Variants in PCNX1 observed in about 807,000 individuals in gnomAD.
The protein encoded by PCNX1 is pecanex-like protein 1.
PCNX1 carries 78 observed loss-of-function variants against 242.2 expected under a neutral mutation model. That is an observed-to-expected ratio of 0.32 (90% CI 0.27 to 0.39). The LOEUF is 0.39. Ranked by LOEUF, PCNX1 falls within the 10% of genes least tolerant of loss-of-function variation. The pLI is 1.00. For synonymous variants in PCNX1, 1,024 were observed against 1,032.9 expected, an observed-to-expected ratio of 0.99 and a Z score of 0.17; for missense variants, 2,581 against 2,856.5, an observed-to-expected ratio of 0.90 and a Z score of 2.20.
At position 70,962,063 on chromosome 14, in the gene PCNX1, T is replaced by C. The variant is rs575242802; in HGVS notation, c.363-163T>C. On this transcript the variant is annotated intron_variant, in intron 2 of 35. Coordinates refer to ENST00000304743, the MANE Select transcript of PCNX1 (RefSeq NM_014982.3). ...AAAATAGTTCCAAGTATCAGACTTG[T>C]AAATGAAGAATGATCGTTGTTTACC... 1.1e-4 allele frequency among the ~76,000 whole-genome samples: 16 copies of C among 152,292 alleles called. No homozygotes were observed. In the East Asian group the frequency reaches 3.1e-3, roughly 29 times the overall value.
intron 8 of PCNX1, among the ~76,000 whole-genome samples, chr14:71,004,637 G>C (rs1352804727): frequency 1.3e-5 from 2 of 152,082 alleles, no homozygotes; most frequent in Non-Finnish European, 2.9e-5. Flanking sequence ...AGAAAGGTTG[G>C]GGACCGTTGC....
At chr14:71,080,954 A>G (rs1020096401) in intron 28 of PCNX1, among the ~76,000 whole-genome samples, 2 of 152,166 alleles carry the variant, frequency 1.3e-5, no homozygotes, top group African/African-American at 4.8e-5. Flanking sequence ...GCCGGTTTTC[A>G]AAGGGAATGC....
intron 1 of PCNX1, among the ~76,000 whole-genome samples, chr14:70,926,696 A>G (rs565209010): frequency 6.6e-6 from 1 of 151,828 alleles, no homozygotes; most frequent in African/African-American, 2.4e-5. Context: ...TTATGTTCTC[A>G]GTGGGTGTGG....
At chr14:70,935,095 CT>C (rs1417119156) in intron 1 of PCNX1, among the ~76,000 whole-genome samples, 1 of 152,126 alleles carries the variant, frequency 6.6e-6, no homozygotes, top group Non-Finnish European at 1.5e-5. Flanking sequence ...ACTGGCAGGG[CT>C]TATGCATTTA....
At chr14:70,925,131 G>C (rs886540218) in intron 1 of PCNX1, among the ~76,000 whole-genome samples, 3 of 152,020 alleles carry the variant, frequency 2.0e-5, no homozygotes, top group Non-Finnish European at 4.4e-5. Context: ...TGGGATTACA[G>C]GCGTGCGCCA....
chr14:70,985,740 G>C (rs2058982469), intron 6 of PCNX1, among the ~76,000 whole-genome samples: 1 of 152,062 alleles, frequency 6.6e-6, no homozygotes, highest in Non-Finnish European at 1.5e-5. Context: ...AGTTGTACTA[G>C]AGTGCTAATT....
intron 18 of PCNX1, 142 bp downstream of exon 18, chr14:71,034,178 G>A: frequency 1.8e-6 from 1 of 557,554 alleles, no homozygotes; most frequent in South Asian, 2.5e-5. Context: ...GTACATTGTT[G>A]ATTGTCTTTA....
Position 70,944,730 on chromosome 14 carries a change from T to C in PCNX1, c.154-2185T>C, listed in dbSNP as rs370112592. Among the ~76,000 whole-genome samples, 549 of 152,238 alleles carry C rather than the reference T, an allele frequency of 3.6e-3. 1 individual carries two copies. Among genetic ancestry groups the C allele is most frequent in the African/African-American group, 0.013 (532 of 41,540 alleles). On this transcript the variant is annotated intron_variant, in intron 1 of 35. Coordinates refer to ENST00000304743, the MANE Select transcript of PCNX1 (RefSeq NM_014982.3). ...CAAATCTCACCTTGAATTGTGATAA[T>C]CCCCATGTGTCTAGAGTAGGACCAG...
intron 10 of PCNX1, chr14:71,012,365 A>AGCT (rs1283279096): frequency 6.4e-6 from 1 of 155,352 alleles, no homozygotes; most frequent in Non-Finnish European, 1.4e-5. Context: ...TAGATTCGCT[A>AGCT]GCTATACAGT....
chr14:71,071,768 C>T (rs933496284), intron 26 of PCNX1, among the ~76,000 whole-genome samples: 12 of 152,288 alleles, frequency 7.9e-5, no homozygotes, highest in African/African-American at 2.9e-4. Flanking sequence ...TGGCTTTTGA[C>T]ATGCCTTCCT....
At position 70,977,116 on chromosome 14, in the gene PCNX1, A is replaced by G. The variant is rs765772741; in HGVS notation, c.779A>G (p.Asp260Gly). 1.2e-6 allele frequency: 2 copies of G among 1,614,214 alleles called. No homozygotes were observed. Among genetic ancestry groups the G allele is most frequent in the Admixed American group, 3.3e-5 (2 of 60,018 alleles). The change falls in exon 6 of 36, where the codon GAC (aspartate) becomes GGC (glycine). Residue 260 changes from aspartate (D) to glycine (G), a missense_variant. Asp to Gly is a moderately conservative substitution (Grantham distance 94, BLOSUM62 -1). Transcript: ENST00000304743. The part of the protein sequence containing the change: ...HVDQSLSSAC[D>G]TEVASLVPLH... ...GATCAGTCTCTGTCCAGCGCCTGTG[A>G]CACAGAAGTAGCTTCTCTTGTACCT...
At chr14:70,938,817 G>T (rs1191609017) in intron 1 of PCNX1, among the ~76,000 whole-genome samples, 1 of 152,108 alleles carries the variant, frequency 6.6e-6, no homozygotes, top group Non-Finnish European at 1.5e-5. Context: ...GCCTGCTATT[G>T]GTGTATTCAG....
intron 27 of PCNX1, among the ~76,000 whole-genome samples, chr14:71,074,741 A>C (rs937358816): frequency 6.6e-6 from 1 of 152,158 alleles, no homozygotes; most frequent in African/African-American, 2.4e-5. Context: ...AAGACTCTTT[A>C]ACGGGAAGGG....
intron 33 of PCNX1, among the ~76,000 whole-genome samples, chr14:71,106,664 G>C (rs1157628894): frequency 6.6e-6 from 1 of 151,976 alleles, no homozygotes; most frequent in African/African-American, 2.4e-5. Flanking sequence ...GCAGGAGAAG[G>C]GGTGGTCTTT....
rs531228382 is a variant in PCNX1 at position 71,012,114 on chromosome 14, G to T, written c.2778+565G>T. On this transcript the variant is annotated intron_variant, in intron 10 of 35. Transcript: ENST00000304743. ...GAAGTTAAATATAGTATAGTAATTT[G>T]TATAGCCTCAGGTGAGCAGCTTGCC... The T allele has an allele frequency of 3.3e-5, 5 of 152,842 alleles. No individual in the cohort carries two copies. The East Asian group carries it at 7.7e-4, about 24-fold the overall frequency. The allele number at this position is 152,842 out of a possible 1,614,324, so 9.5% of individuals were successfully genotyped here. A position where few individuals can be genotyped will look rare whatever the true frequency, so the allele number is the denominator to read the frequency against.
rs1025066345 is a variant in PCNX1, at chr14:71,011,634, TA to T, written c.2778+90del. On this transcript the variant is annotated intron_variant, in intron 10 of 35. Transcript: ENST00000304743. Reference sequence around the variant, plus strand: ...TTTACATAGATAGCTATAAAAGCCATAAAAATTGATGAAGTTACACAAAAAT... The same window carrying T: ...TTTACATAGATAGCTATAAAAGCCATAAAATTGATGAAGTTACACAAAAAT... 2.6e-5 allele frequency: 22 copies of T among 831,268 alleles called. No individual in the cohort carries two copies. In the African/African-American group the frequency reaches 3.3e-4, roughly 12 times the overall value. 51.5% of individuals were successfully genotyped at this position (831,268 alleles called of 1,614,324 possible).
At chr14:71,093,279 A>G (rs2062184115) in intron 30 of PCNX1, 1 of 152,086 alleles carries the variant, frequency 6.6e-6, no homozygotes, top group Non-Finnish European at 1.5e-5. Flanking sequence ...CACAGGATTT[A>G]TGACAGAGCT....
At chr14:71,062,425 T>G (rs2061349554) in intron 26 of PCNX1, among the ~76,000 whole-genome samples, 1 of 151,848 alleles carries the variant, frequency 6.6e-6, no homozygotes. Context: ...ATTTAAAAAT[T>G]TTTCTAAACA....
chr14:70,988,720 C>T, intron 7 of PCNX1, 21 bp downstream of exon 7: 1 of 1,605,954 alleles, frequency 6.2e-7, no homozygotes. Context: ...TTCAATTCCA[C>T]CAAGTTTAGC....
Sources: gnomAD v4.1 joint callset for allele counts (sites outside exome capture counted in the v4.1 genomes callset) on GRCh38, gnomAD v4.1.1 for gene constraint, MANE v1.5 for transcripts, NCBI Gene and HGNC (gene_info 2026-07-23, HGNC 2026-07-21) for gene names.